The following PIK3AP1 variants were observed in gnomAD, a reference collection of about 807,000 sequenced individuals.
PIK3AP1 encodes the protein phosphoinositide-3-kinase adaptor protein 1.
PIK3AP1 carries 21 observed loss-of-function variants against 88.1 expected under a neutral mutation model. The ratio of observed to expected loss-of-function variants is 0.24; its 90% CI spans 0.17 to 0.34. The LOEUF (loss-of-function observed/expected upper bound fraction) is 0.34. PIK3AP1 is among the 10% of genes least tolerant of loss of function. PIK3AP1 has a pLI of 1.00. For synonymous variants in PIK3AP1, 398 were observed against 400.0 expected (o/e 1.00, Z 0.06); for missense variants, 828 against 1,035.7 (o/e 0.80, Z 2.75).
intron 1 of PIK3AP1, among the ~76,000 whole-genome samples, chr10:96,719,238 T>C (rs929568100): frequency 9.8e-5 from 15 of 152,294 alleles, no homozygotes; most frequent in African/African-American, 3.6e-4. Flanking sequence ...CTCCTGGCCT[T>C]TTCTACCTCT....
intron 11 of PIK3AP1, chr10:96,620,876 A>C (rs908417498): frequency 2.6e-5 from 7 of 271,418 alleles, no homozygotes; most frequent in Non-Finnish European, 5.0e-5. Context: ...AGAAAACCGT[A>C]CGTTGTAGCC....
intron 11 of PIK3AP1, among the ~76,000 whole-genome samples, chr10:96,621,906 G>A (rs1328341118): frequency 3.3e-5 from 5 of 152,184 alleles, no homozygotes; most frequent in Non-Finnish European, 5.9e-5. Context: ...CTTGAGTTGT[G>A]ACAACCAAAA....
chr10:96,624,661 CAAAAA>C lies in PIK3AP1; in HGVS notation c.1670-1129_1670-1125del, dbSNP rs5787202. On this transcript the variant is annotated intron_variant, in intron 10 of 16. Transcript: ENST00000339364. ...TGGGCAACACAGCAAGACCCTGTCT[CAAAAA>C]AAAAAAAAAGAAAGGTGAAATGACT... Among the ~76,000 whole-genome samples, 3 of 139,450 alleles carry C rather than the reference CAAAAA, an allele frequency of 2.2e-5. 1 individual carries two copies. Among genetic ancestry groups the C allele is most frequent in the Admixed American group, 2.1e-4 (3 of 14,066 alleles). 91.5% of individuals were successfully genotyped at this position (139,450 alleles called of 152,430 possible).
At chr10:96,696,630 T>C (rs1257735577) in intron 2 of PIK3AP1, among the ~76,000 whole-genome samples, 1 of 152,200 alleles carries the variant, frequency 6.6e-6, no homozygotes, top group Non-Finnish European at 1.5e-5. Context: ...GCCCCCATTA[T>C]CTTTCTATGA....
intron 16 of PIK3AP1, among the ~76,000 whole-genome samples, chr10:96,598,702 G>C (rs761679904): frequency 2.0e-5 from 3 of 152,160 alleles, no homozygotes; most frequent in Non-Finnish European, 2.9e-5. Flanking sequence ...AGATTCACTC[G>C]CATGGGAACA....
At chr10:96,693,604 C>T (rs1844183947) in intron 2 of PIK3AP1, among the ~76,000 whole-genome samples, 1 of 152,174 alleles carries the variant, frequency 6.6e-6, no homozygotes, top group Non-Finnish European at 1.5e-5. Flanking sequence ...CTTCACGTAA[C>T]ACTTTCTTGG....
intron 2 of PIK3AP1, among the ~76,000 whole-genome samples, chr10:96,680,028 A>G (rs945107694): frequency 2.6e-5 from 4 of 152,076 alleles, no homozygotes; most frequent in Non-Finnish European, 1.5e-5. Context: ...CCTTCCTCTC[A>G]GCAACCTCCA....
intron 8 of PIK3AP1, among the ~76,000 whole-genome samples, chr10:96,638,520 G>A (rs748960706): frequency 2.0e-5 from 3 of 151,208 alleles, no homozygotes; most frequent in Admixed American, 1.3e-4. Context: ...AAAATTAGAG[G>A]GCTAATGAGT....
Position 96,602,346 on chromosome 10 carries a change from A to G in PIK3AP1, c.2294T>C (p.Val765Ala), listed in dbSNP as rs1164907557. Residue 765 changes from valine to alanine, a missense_variant, in exon 16 of 17, where the codon GTG (valine) becomes GCG (alanine). Val to Ala is a moderately conservative substitution (Grantham distance 64, BLOSUM62 0). This residue lies in a region of PIK3AP1 where 191 missense variants were observed against 208.6 expected (regional missense o/e 0.92). Coordinates refer to ENST00000339364, the MANE Select transcript of PIK3AP1 (RefSeq NM_152309.3). Reference protein sequence around the residue: ...TRSRSPGPPQVDGTPTMSLER... With the variant: ...TRSRSPGPPQADGTPTMSLER... Reference sequence around the variant, plus strand: ...GAGGGACATGGTGGGTGTCCCATCCACTTGTGGGGGGCCTGGACTGCGACT... The same window carrying G: ...GAGGGACATGGTGGGTGTCCCATCCGCTTGTGGGGGGCCTGGACTGCGACT... The G allele has an allele frequency of 1.2e-6, 2 of 1,612,180 alleles. No homozygotes were observed. Among genetic ancestry groups the G allele is most frequent in the Non-Finnish European group, 1.7e-6 (2 of 1,178,986 alleles).
intron 2 of PIK3AP1, among the ~76,000 whole-genome samples, chr10:96,665,909 C>G (rs1169970276): frequency 1.3e-5 from 2 of 152,084 alleles, no homozygotes; most frequent in Non-Finnish European, 2.9e-5. Context: ...AGCAAGACTC[C>G]CCACAGATTG....
chr10:96,616,808 AT>A, intron 12 of PIK3AP1, 97 bp from the exon 13 acceptor site: 1 of 1,156,976 alleles, frequency 8.6e-7, no homozygotes, highest in Non-Finnish European at 1.3e-6. Context: ...TGCAGGGTAT[AT>A]CACATTGCAG....
Position 96,620,554 on chromosome 10 carries a change from G to A in PIK3AP1, c.1739C>T (p.Pro580Leu), listed in dbSNP as rs778955496. 20 of 1,611,788 alleles carry A rather than the reference G, an allele frequency of 1.2e-5. No homozygotes were observed. The highest frequency in any genetic ancestry group is 1.7e-5 in the Admixed American group (1 of 59,976). ...CCTGTCCCTCCATGGTCTGACGGGC[G>A]GCCCTGGAAAGGATGGCAAAACTCA... ...YVSSESIRKG[P>L]PVRPWRDRPQ... Residue 580 changes from proline to leucine, a missense_variant, in exon 12 of 17, where the codon CCG (proline) becomes CTG (leucine). This residue lies in a region of PIK3AP1 where 610 missense variants were observed against 760.1 expected (regional missense o/e 0.80). Transcript: ENST00000339364.
chr10:96,610,992 T>C (rs893426155), intron 13 of PIK3AP1, among the ~76,000 whole-genome samples: 1 of 152,132 alleles, frequency 6.6e-6, no homozygotes, highest in Non-Finnish European at 1.5e-5. Context: ...CTCCTCCACC[T>C]CTACCCTTCT....
At chr10:96,603,164 T>C (rs11188849) in intron 15 of PIK3AP1, among the ~76,000 whole-genome samples, 128,299 of 152,168 alleles carry the variant, frequency 0.84, 54,229 homozygotes, top group East Asian at 0.99. Flanking sequence ...TTCTTTTCTA[T>C]TTATTGAGGT....
In PIK3AP1 at chr10:96,709,698, C is replaced by G. The variant is rs1197533321; in HGVS notation, c.299G>C (p.Arg100Thr). Residue 100 changes from arginine to threonine, a missense_variant, in exon 2 of 17, where the codon AGG becomes ACG. Physicochemically the swap from Arg to Thr is moderately conservative, Grantham distance 71. Transcript: ENST00000339364. ...GCTGTCCCGCACGCCGCAGAGCAGC[C>G]TGACCACGCGGTGCGGAGGATGGAA... is the stretch of plus-strand genomic sequence containing the variant. ...RAFHPPHRVVRLLCGVRDSEE... is the reference protein window; with the variant it reads ...RAFHPPHRVVTLLCGVRDSEE... 1 of 1,614,152 alleles carries G rather than the reference C, an allele frequency of 6.2e-7. No homozygotes were observed. The highest frequency in any genetic ancestry group is 8.5e-7 in the Non-Finnish European group (1 of 1,180,056).
intron 2 of PIK3AP1, among the ~76,000 whole-genome samples, chr10:96,689,575 CAAAAAAAAAAA>C (rs56828361): frequency 1.4e-5 from 1 of 70,448 alleles, no homozygotes; most frequent in Non-Finnish European, 2.8e-5. Context: ...GACTCTGTCT[CAAAAAAAAAAA>C]AAAAAAAAAA....
intron 14 of PIK3AP1, among the ~76,000 whole-genome samples, chr10:96,604,741 T>C (rs1848972226): frequency 6.6e-6 from 1 of 152,250 alleles, no homozygotes; most frequent in African/African-American, 2.4e-5. Flanking sequence ...ACTTTGTTGC[T>C]GCAGTTTTTT....
At chr10:96,655,638 GATTGA>G (rs752366855) in intron 3 of PIK3AP1, among the ~76,000 whole-genome samples, 21 of 152,206 alleles carry the variant, frequency 1.4e-4, no homozygotes, top group Non-Finnish European at 2.9e-4. Flanking sequence ...GGTGGGAGGT[GATTGA>G]ATTATGGGGG....
At chr10:96,670,155 C>CAAAAAAAAAA (rs35152022) in intron 2 of PIK3AP1, among the ~76,000 whole-genome samples, 1 of 91,470 alleles carries the variant, frequency 1.1e-5, no homozygotes. Flanking sequence ...AAGACTCCAT[C>CAAAAAAAAAA]AAAAAAAAAA....
Sources: allele counts gnomAD v4.1 joint callset (sites outside exome capture counted in the v4.1 genomes callset), GRCh38; gene constraint gnomAD v4.1.1; regional missense constraint gnomAD v4.1.1; transcripts MANE v1.5; gene names NCBI Gene and HGNC (gene_info 2026-07-23, HGNC 2026-07-21).